The following NSD3 variants were observed in gnomAD, a reference collection of about 807,000 sequenced individuals.
NSD3 encodes the protein nuclear receptor binding SET domain protein 3, also known as histone-lysine N-methyltransferase NSD3.
NSD3 carries 24 observed loss-of-function variants against 160.8 expected under a neutral mutation model. The observed-to-expected ratio is 0.15, with a 90% CI of 0.11 to 0.21. NSD3 has a LOEUF of 0.21. Among genes scored for constraint, NSD3 ranks in the 10% least tolerant of loss-of-function variants. NSD3 has a pLI of 1.00. For missense variants in NSD3, 1,157 were observed against 1,735.9 expected (o/e 0.67, Z 5.93); for synonymous variants, 520 against 600.0 (o/e 0.87, Z 1.95).
chr8:38,316,111 G>A lies in NSD3; in HGVS notation c.1856-69C>T, dbSNP rs946693468. On this transcript the variant is annotated intron_variant, in intron 9 of 23. Coordinates refer to ENST00000317025, the MANE Select transcript of NSD3 (RefSeq NM_023034.2). This position sits in a 1 kb window ranked among gnomAD's most constrained non-coding sequence, Gnocchi z 4.5. ...GTTTGTTTTAATTTTTTTGTGTGTG[G>A]GAGAATATTTTCTTTTCTCAAACTC... The A allele has an allele frequency of 1.9e-6, 3 of 1,572,730 alleles. No individual in the cohort carries two copies. Among genetic ancestry groups the A allele is most frequent in the African/African-American group, 2.7e-5 (2 of 73,364 alleles).
In NSD3 at chr8:38,319,034, G is replaced by T. The variant is rs763851472; in HGVS notation, c.1810-94C>A. ...AGATACTTTCATCAATCTAAGCAAT[G>T]ATGAGTGATTAATGTATCTGAAATC... On this transcript the variant is annotated intron_variant, in intron 8 of 23. Transcript: ENST00000317025. The surrounding 1 kb of genome is among the most constrained non-coding windows in gnomAD (Gnocchi z 4.1). 3 of 1,095,388 alleles carry T rather than the reference G, an allele frequency of 2.7e-6. No homozygotes were observed. Among genetic ancestry groups the T allele is most frequent in the African/African-American group, 3.2e-5 (2 of 63,042 alleles). 67.9% of individuals were successfully genotyped at this position (1,095,388 alleles called of 1,614,324 possible).
At chr8:38,377,553 T>C (rs1486010793) in intron 1 of NSD3, among the ~76,000 whole-genome samples, 1 of 152,134 alleles carries the variant, frequency 6.6e-6, no homozygotes, top group Non-Finnish European at 1.5e-5. Context: ...TTCGTCATGT[T>C]GGCCAGACTG....
intron 2 of NSD3, among the ~76,000 whole-genome samples, chr8:38,343,954 A>G (rs1363059388): frequency 6.6e-6 from 1 of 152,212 alleles, no homozygotes. Context: ...TGTTTGAATA[A>G]TAGGGCCTAC....
rs770486771 is a variant in NSD3 at position 38,291,855 on chromosome 8, A to G, written c.2916-1178T>C. Among the ~76,000 whole-genome samples, 292 of 152,356 alleles carry G rather than the reference A, an allele frequency of 1.9e-3. 3 individuals carry two copies. The highest frequency in any genetic ancestry group is 3.4e-3 in the Non-Finnish European group (233 of 68,042). On this transcript the variant is annotated intron_variant, in intron 16 of 23. Coordinates refer to ENST00000317025, the MANE Select transcript of NSD3 (RefSeq NM_023034.2). ...ATTGGAATAACTAGTTATTGAAAAT[A>G]AACAGCTTCATGCAGCCCCACTGGG...
intron 1 of NSD3, among the ~76,000 whole-genome samples, chr8:38,353,964 T>G (rs530970541): frequency 6.6e-6 from 1 of 152,298 alleles, no homozygotes; most frequent in Non-Finnish European, 1.5e-5. Flanking sequence ...TAAGGACAAC[T>G]ACACTAAACG....
At position 38,330,536 on chromosome 8, in the gene NSD3, G is replaced by C. The variant is rs866880486; in HGVS notation, c.1066-643C>G. 1.8e-4 allele frequency among the ~76,000 whole-genome samples: 27 copies of C among 152,278 alleles called. No homozygotes were observed. In the Middle Eastern group the frequency reaches 0.01, roughly 58 times the overall value. On this transcript the variant is annotated intron_variant, in intron 5 of 23. Transcript: ENST00000317025. ...TTGGCAAGAGGGGTAAAAATACTTT[G>C]AATAAAGATGTGTGAGATGGCCAGA...
intron 20 of NSD3, among the ~76,000 whole-genome samples, chr8:38,280,493 T>C (rs1178443323): frequency 6.6e-6 from 1 of 152,340 alleles, no homozygotes; most frequent in East Asian, 1.9e-4. Flanking sequence ...TTTAATGATA[T>C]TCTGAATCTC....
Position 38,334,255 on chromosome 8 carries a change from T to C in NSD3, c.911-2670A>G, listed in dbSNP as rs142906938. On this transcript the variant is annotated intron_variant, in intron 4 of 23. Transcript: ENST00000317025. ...AAACATGGATGAACCTCAAAAACAT[T>C]ATGGTAAGTGAATGAAGCCAGATGA... 3.7e-3 allele frequency among the ~76,000 whole-genome samples: 557 copies of C among 152,190 alleles called. 1 individual carries two copies. Among genetic ancestry groups the C allele is most frequent in the African/African-American group, 0.013 (544 of 41,516 alleles).
intron 14 of NSD3, chr8:38,303,097 A>G (rs1337127248): frequency 5.5e-6 from 2 of 361,206 alleles, no homozygotes; most frequent in Non-Finnish European, 7.7e-6. Flanking sequence ...ATGCATGCTT[A>G]TACACTGACA....
chr8:38,340,582 C>T (rs1226984463), intron 2 of NSD3, among the ~76,000 whole-genome samples: 3 of 152,178 alleles, frequency 2.0e-5, no homozygotes, highest in East Asian at 1.9e-4. Flanking sequence ...AGGTGATCCA[C>T]TTGCCTTGGC....
In NSD3 at chr8:38,296,671, CCTCTGTGTGT is replaced by C. The variant is rs1360752578; in HGVS notation, c.2759-729_2759-720del. Among the ~76,000 whole-genome samples, 11 of 114,892 alleles carry C rather than the reference CCTCTGTGTGT, an allele frequency of 9.6e-5. No homozygotes were observed. In the East Asian group the frequency reaches 1.4e-3, roughly 14 times the overall value. 75.4% of individuals were successfully genotyped at this position (114,892 alleles called of 152,430 possible). A position where few individuals can be genotyped will look rare whatever the true frequency, so the allele number is the denominator to read the frequency against. ...AAACCTCTCTTTCTCTCTCTCTCTC[CCTCTGTGTGT>C]GTGTGTGTGTGTGTGTGTGTGTGTG... On this transcript the variant is annotated intron_variant, in intron 15 of 23. Coordinates refer to ENST00000317025, the MANE Select transcript of NSD3 (RefSeq NM_023034.2).
chr8:38,353,175 TCTTGGCTCACTGCAAAAAAACCGCAG>T (rs1397820333), intron 1 of NSD3, among the ~76,000 whole-genome samples: 4 of 152,224 alleles, frequency 2.6e-5, no homozygotes, highest in African/African-American at 9.6e-5. Flanking sequence ...AGTGGCACGA[TCTTGGCTCACTGCAAAAAAACCGCAG>T]TTCCAGGGTC....
At chr8:38,332,675 A>C (rs140460181) in intron 4 of NSD3, among the ~76,000 whole-genome samples, 1 of 152,304 alleles carries the variant, frequency 6.6e-6, no homozygotes, top group Non-Finnish European at 1.5e-5. Flanking sequence ...CATTGTTATG[A>C]TATCTAGACA....
chr8:38,304,666 A>C lies in NSD3; in HGVS notation c.2532T>G (p.Ile844Met). The change falls in exon 14 of 24, where the codon ATT becomes ATG. Residue 844 changes from isoleucine (I) to methionine (M), a missense_variant. Around this residue, in one of 10 missense-constraint regions of NSD3, gnomAD observed 437 missense variants for 576.6 expected, o/e 0.76. Transcript: ENST00000317025. Reference sequence around the variant, plus strand: ...GTTTGGAATGATTACTACAGATGAGAATGTAGGAGGATACTAACATGCTTC... The same window carrying C: ...GTTTGGAATGATTACTACAGATGAGCATGTAGGAGGATACTAACATGCTTC... ...AAGSMLVSSY[I>M]LICSNHSKRS... The C allele has an allele frequency of 6.2e-7, 1 of 1,614,118 alleles. No individual in the cohort carries two copies. The highest frequency in any genetic ancestry group is 8.5e-7 in the Non-Finnish European group (1 of 1,179,992).
chr8:38,374,896 CG>C (rs1316700255), intron 1 of NSD3, among the ~76,000 whole-genome samples: 2 of 151,920 alleles, frequency 1.3e-5, no homozygotes, highest in Non-Finnish European at 2.9e-5. Context: ...CCCAGCTACT[CG>C]GGAGGCTGAG....
chr8:38,364,098 C>A (rs1320500544), intron 1 of NSD3, among the ~76,000 whole-genome samples: 4 of 152,066 alleles, frequency 2.6e-5, no homozygotes, highest in Non-Finnish European at 5.9e-5. Flanking sequence ...CCTGGTGAAA[C>A]CCCGTGTCTA....
At position 38,319,920 on chromosome 8, in the gene NSD3, C is replaced by T. The variant is rs1809758462; in HGVS notation, c.1810-980G>A. The T allele has an allele frequency of 6.6e-6, 1 of 152,128 alleles. No individual in the cohort carries two copies. The highest frequency in any genetic ancestry group is 2.1e-4 in the South Asian group (1 of 4,822). The allele number at this position is 152,128 out of a possible 1,614,324, so 9.4% of individuals were successfully genotyped here. A position where few individuals can be genotyped will look rare whatever the true frequency, so the allele number is the denominator to read the frequency against. The stretch of plus-strand genomic sequence containing the variant: ...ACAGTGGCATTAACAATTTGTCCCA[C>T]TTTTTATACTCATTCTGCTTATTAG... On this transcript the variant is annotated intron_variant, in intron 8 of 23. Transcript: ENST00000317025. This position sits in a 1 kb window ranked among gnomAD's most constrained non-coding sequence, Gnocchi z 4.1.
At chr8:38,354,116 T>C (rs147619190) in intron 1 of NSD3, among the ~76,000 whole-genome samples, 61 of 152,356 alleles carry the variant, frequency 4.0e-4, no homozygotes, top group African/African-American at 1.4e-3. Flanking sequence ...TGATTGATTC[T>C]TCCCTCTTTG....
intron 17 of NSD3, among the ~76,000 whole-genome samples, chr8:38,289,772 G>A (rs1808955285): frequency 6.6e-6 from 1 of 152,180 alleles, no homozygotes; most frequent in Non-Finnish European, 1.5e-5. Context: ...GACCCTAAGA[G>A]CAGCTTTTTG....
Sources: gnomAD v4.1 joint callset for allele counts (sites outside exome capture counted in the v4.1 genomes callset) on GRCh38, gnomAD v4.1.1 for gene constraint, gnomAD v4.1.1 regional missense constraint, Gnocchi (gnomAD v3.1) non-coding constraint, MANE v1.5 for transcripts, NCBI Gene and HGNC (gene_info 2026-07-23, HGNC 2026-07-21) for gene names.